The following RUNDC3A variants were observed in gnomAD, a reference collection of about 807,000 sequenced individuals.
RUNDC3A encodes the protein RUN domain-containing protein 3A.
Under a neutral mutation model 53.9 loss-of-function variants are expected in RUNDC3A, and 28 were observed. The ratio of observed to expected loss-of-function variants is 0.52; its 90% CI spans 0.38 to 0.71. The LOEUF (loss-of-function observed/expected upper bound fraction) is 0.71. Ranked by LOEUF, RUNDC3A falls within the 30% of genes least tolerant of loss-of-function variation. The probability of loss-of-function intolerance (pLI) is 0.00; values close to 1 mark genes in which losing one functional copy is unlikely to be tolerated. For synonymous variants in RUNDC3A, 232 were observed against 249.4 expected, an observed-to-expected ratio of 0.93 and a Z score of 0.66; for missense variants, 491 against 597.3, an observed-to-expected ratio of 0.82 and a Z score of 1.85.
In RUNDC3A at chr17:44,315,704, C is replaced by T; in HGVS notation, c.953+95C>T. On this transcript the variant is annotated intron_variant, in intron 8 of 10. Transcript: ENST00000426726. The surrounding 1 kb of genome is among the most constrained non-coding windows in gnomAD (Gnocchi z 6.1). ...TCACTTCCATCGACTCTAACATCAC[C>T]CGACACGAGCACCCACCTCTCCAGC... 8.6e-7 allele frequency: 1 copy of T among 1,157,476 alleles called. No individual in the cohort carries two copies. Among genetic ancestry groups the T allele is most frequent in the Non-Finnish European group, 1.1e-6 (1 of 884,680 alleles). The allele number at this position is 1,157,476 out of a possible 1,614,324, so 71.7% of individuals were successfully genotyped here.
In RUNDC3A at chr17:44,312,708, C is replaced by A. The variant is rs1344927736; in HGVS notation, c.223+13C>A. The A allele has an allele frequency of 3.5e-6, 5 of 1,449,240 alleles. No individual in the cohort carries two copies. The Admixed American group carries it at 1.1e-4, about 32-fold the overall frequency. 89.8% of individuals were successfully genotyped at this position (1,449,240 alleles called of 1,614,324 possible). A position where few individuals can be genotyped will look rare whatever the true frequency, so the allele number is the denominator to read the frequency against. ...CACCGCTTCAAAGGTGGGCCCAGCGCCCCTCCCCCAGCGGTCCCTCCCCCA... is the reference window on the plus strand; with the variant it reads ...CACCGCTTCAAAGGTGGGCCCAGCGACCCTCCCCCAGCGGTCCCTCCCCCA... On this transcript the variant is annotated intron_variant, in intron 2 of 10. Coordinates refer to ENST00000426726, the MANE Select transcript of RUNDC3A (RefSeq NM_001144825.2).
intron 8 of RUNDC3A, 85 bp from the exon 9 acceptor site, chr17:44,316,300 T>C: frequency 7.4e-7 from 1 of 1,351,744 alleles, no homozygotes; most frequent in Non-Finnish European, 1.0e-6. Flanking sequence ...ATTTCATTCC[T>C]GACCCCTCCC....
rs1460242201 is a variant in RUNDC3A, at chr17:44,312,576, C to T, written c.108-4C>T. ...CTGCCCCATCTCCCCACCTCGCCGC[C>T]CAGGTTCTCTGTGAAAACGCTGCTG... On this transcript the variant is annotated splice_polypyrimidine_tract_variant and splice_region_variant and intron_variant, in intron 1 of 10. Transcript: ENST00000426726. 6.4e-7 allele frequency: 1 copy of T among 1,552,198 alleles called. No individual in the cohort carries two copies. The highest frequency in any genetic ancestry group is 8.7e-7 in the Non-Finnish European group (1 of 1,144,304).
Position 44,318,340 on chromosome 17 carries a change from C to T in RUNDC3A, c.*102C>T, listed in dbSNP as rs1426660198. 1.9e-5 allele frequency: 24 copies of T among 1,264,982 alleles called. No individual in the cohort carries two copies. The highest frequency in any genetic ancestry group is 5.5e-5 in the South Asian group (4 of 72,992). 78.4% of individuals were successfully genotyped at this position (1,264,982 alleles called of 1,614,324 possible). A position where few individuals can be genotyped will look rare whatever the true frequency, so the allele number is the denominator to read the frequency against. ...CAATCCAGGCTACCCTTCCAGAGAA[C>T]GCTACCCACCCAGCCAGGGTTCTCT... On this transcript the variant is annotated 3_prime_UTR_variant, in exon 11 of 11. Transcript: ENST00000426726.
chr17:44,316,579 G>C, intron 9 of RUNDC3A, 40 bp from the exon 10 acceptor site: 7 of 1,573,934 alleles, frequency 4.4e-6, no homozygotes, highest in Non-Finnish European at 6.0e-6. Context: ...GGGGAAGAAG[G>C]GCTTCCTCTA....
Position 44,315,444 on chromosome 17 carries a change from C to T in RUNDC3A, c.796-8C>T. 4 of 1,439,768 alleles carry T rather than the reference C, an allele frequency of 2.8e-6. No homozygotes were observed. The highest frequency in any genetic ancestry group is 3.7e-6 in the Non-Finnish European group (4 of 1,094,520). The allele number at this position is 1,439,768 out of a possible 1,614,324, so 89.2% of individuals were successfully genotyped here. ...CCCAGCCGCCCGGGCTGAGCCGGCG[C>T]CCCGCAGGGCTACCTGGAGGAGCTG... On this transcript the variant is annotated splice_polypyrimidine_tract_variant and splice_region_variant and intron_variant, in intron 7 of 10. Transcript: ENST00000426726. This position sits in a 1 kb window ranked among gnomAD's most constrained non-coding sequence, Gnocchi z 6.1.
rs920275011 is a variant in RUNDC3A, at chr17:44,318,221, G to A, written c.1324G>A (p.Ala442Thr). Reference sequence around the variant, plus strand: ...GAGCGACAGTCCCGAGGGCAGCCCAGCACTGAGCCCCAGCTGAGGAACAGC... The same window carrying A: ...GAGCGACAGTCCCGAGGGCAGCCCAACACTGAGCCCCAGCTGAGGAACAGC... The part of the protein sequence containing the change: ...LVSDSPEGSP[A>T]LSPS Residue 442 changes from alanine to threonine, a missense_variant, in exon 11 of 11, where the codon GCA becomes ACA. Ala to Thr is a moderately conservative substitution (Grantham distance 58, BLOSUM62 0). Coordinates refer to ENST00000426726, the MANE Select transcript of RUNDC3A (RefSeq NM_001144825.2). The A allele has an allele frequency of 9.0e-6, 14 of 1,550,764 alleles. No individual in the cohort carries two copies. In the African/African-American group the frequency reaches 1.6e-4, roughly 18 times the overall value.
chr17:44,314,688 G>GGGGGCCCCCCCCCCCC (rs2144688329), intron 4 of RUNDC3A, 47 bp from the exon 5 acceptor site: 1 of 931,062 alleles, frequency 1.1e-6, no homozygotes, highest in Non-Finnish European at 1.5e-6. Context: ...GGGGGGGGGG[G>GGGGGCCCCCCCCCCCC]CGCTCCAGGG....
chr17:44,311,145 A>G (rs2047741156), intron 1 of RUNDC3A: 14 of 985,464 alleles, frequency 1.4e-5, no homozygotes, highest in Non-Finnish European at 1.7e-5. Flanking sequence ...CCCAAGACTG[A>G]CCTGGCTCTG....
chr17:44,316,239 C>A, intron 8 of RUNDC3A, 146 bp from the exon 9 acceptor site: 2 of 689,714 alleles, frequency 2.9e-6, no homozygotes, highest in Non-Finnish European at 4.9e-6. Context: ...CACTTCCTCC[C>A]GGGATCTGGC....
chr17:44,313,305 C>A (rs570564774), intron 3 of RUNDC3A, 53 bp downstream of exon 3: 6 of 1,607,740 alleles, frequency 3.7e-6, no homozygotes, highest in Middle Eastern at 1.6e-4. Flanking sequence ...AGGGGGCCTG[C>A]CTGTTTCTTG....
chr17:44,309,042 G>A, intron 1 of RUNDC3A, 103 bp downstream of exon 1: 1 of 782,022 alleles, frequency 1.3e-6, no homozygotes. Flanking sequence ...AGGGAGGGGA[G>A]AAAAGGGTCG....
intron 2 of RUNDC3A, 140 bp from the exon 3 acceptor site, chr17:44,312,964 G>A (rs1158494737): frequency 3.4e-6 from 3 of 887,770 alleles, no homozygotes; most frequent in East Asian, 2.6e-5. Context: ...ATATGCTGGG[G>A]TGCCCACTGC....
At position 44,316,378 on chromosome 17, in the gene RUNDC3A, C is replaced by A. The variant is rs1429003912; in HGVS notation, c.954-7C>A. 8 of 1,605,988 alleles carry A rather than the reference C, an allele frequency of 5.0e-6. No individual in the cohort carries two copies. Among genetic ancestry groups the A allele is most frequent in the Non-Finnish European group, 6.8e-6 (8 of 1,173,940 alleles). ...CAGCCAGGCCTGACTCCTCCTCCCC[C>A]TCCCAGGACAGGTCTGATCCCCAGT... is the stretch of plus-strand genomic sequence containing the variant. On this transcript the variant is annotated splice_region_variant and splice_polypyrimidine_tract_variant and intron_variant, in intron 8 of 10. Transcript: ENST00000426726.
chr17:44,310,604 C>T, intron 1 of RUNDC3A: 1 of 670,070 alleles, frequency 1.5e-6, no homozygotes, highest in Non-Finnish European at 1.8e-6. Flanking sequence ...ACATGGTTTG[C>T]CTCCAGCTCC....
In RUNDC3A at chr17:44,318,198, G is replaced by A. The variant is rs1007499206; in HGVS notation, c.1301G>A (p.Ser434Asn). 6.4e-7 allele frequency: 1 copy of A among 1,551,400 alleles called. No individual in the cohort carries two copies. The highest frequency in any genetic ancestry group is 2.0e-5 in the Admixed American group (1 of 50,996). ...TTCAAATCCAACGAGTGCCTGGTGA[G>A]CGACAGTCCCGAGGGCAGCCCAGCA... ...ASFKSNECLVSDSPEGSPALS... is the reference protein window; with the variant it reads ...ASFKSNECLVNDSPEGSPALS... The change falls in exon 11 of 11, where the codon AGC (serine) becomes AAC (asparagine). Residue 434 changes from serine (S) to asparagine (N), a missense_variant. This residue lies in a region of RUNDC3A where 218 missense variants were observed against 208.2 expected (regional missense o/e 1.05). Coordinates refer to ENST00000426726, the MANE Select transcript of RUNDC3A (RefSeq NM_001144825.2).
At chr17:44,316,321 G>A (rs2047860766) in intron 8 of RUNDC3A, 64 bp from the exon 9 acceptor site, 1 of 1,502,020 alleles carries the variant, frequency 6.7e-7, no homozygotes. Flanking sequence ...TCATCCCCTT[G>A]CTGAATCTCC....
intron 2 of RUNDC3A, 124 bp from the exon 3 acceptor site, chr17:44,312,980 T>A (rs181176944): frequency 2.8e-6 from 3 of 1,056,652 alleles, no homozygotes; most frequent in Non-Finnish European, 4.2e-6. Flanking sequence ...ACTGCACACG[T>A]GCATGTGTGT....
rs2047852594 is a variant in RUNDC3A, at chr17:44,315,889, C to T, written c.953+280C>T. Reference sequence around the variant, plus strand: ...GCCATCCAACCTTACTGCAGGGACCCCACGTCACTCACAAGGACCTGCGGT... The same window carrying T: ...GCCATCCAACCTTACTGCAGGGACCTCACGTCACTCACAAGGACCTGCGGT... On this transcript the variant is annotated intron_variant, in intron 8 of 10. Transcript: ENST00000426726. The surrounding 1 kb of genome is among the most constrained non-coding windows in gnomAD (Gnocchi z 6.1). 6.6e-6 allele frequency among the ~76,000 whole-genome samples: 1 copy of T among 152,088 alleles called. No individual in the cohort carries two copies. Among genetic ancestry groups the T allele is most frequent in the East Asian group, 1.9e-4 (1 of 5,184 alleles).
Sources: allele counts gnomAD v4.1 joint callset (sites outside exome capture counted in the v4.1 genomes callset), GRCh38; gene constraint gnomAD v4.1.1; regional missense constraint gnomAD v4.1.1; non-coding constraint Gnocchi (gnomAD v3.1); transcripts MANE v1.5; gene names NCBI Gene and HGNC (gene_info 2026-07-23, HGNC 2026-07-21).